TEK: variants seen among roughly 807,000 people sequenced by gnomAD.
TEK encodes the protein angiopoietin-1 receptor.
TEK carries 43 observed loss-of-function variants against 131.8 expected under a neutral mutation model. That is an observed-to-expected ratio of 0.33 (90% CI 0.26 to 0.42). The LOEUF (loss-of-function observed/expected upper bound fraction) is 0.42, where lower values mean the gene tolerates loss of function less well. Ranked by LOEUF, TEK falls within the 10% of genes least tolerant of loss-of-function variation. The pLI, the probability that TEK is intolerant of heterozygous loss-of-function variation, is 1.00. For synonymous variants in TEK, 580 were observed against 491.6 expected (o/e 1.18, Z -2.38); for missense variants, 1,162 against 1,384.4 (o/e 0.84, Z 2.55).
rs535362756 is a variant in TEK at position 27,124,979 on chromosome 9, T to A, written c.52+15337T>A. 2.6e-5 allele frequency among the ~76,000 whole-genome samples: 4 copies of A among 152,238 alleles called. No individual in the cohort carries two copies. In the East Asian group the frequency reaches 7.7e-4, roughly 29 times the overall value. ...CTTGAAGGAGTGACCTTCGGAACAG[T>A]CCCCAGTCGCTCATTTATAAGTCCC... On this transcript the variant is annotated intron_variant, in intron 1 of 22. Transcript: ENST00000380036.
Position 27,180,192 on chromosome 9 carries a change from C to T in TEK, c.902-48C>T, listed in dbSNP as rs757777004. ...ACTAAACACCTGCAGTCTTAGTTTC[C>T]TCTCTTCCCCTGGATTAATACTGGT... On this transcript the variant is annotated intron_variant, in intron 6 of 22. Coordinates refer to ENST00000380036, the MANE Select transcript of TEK (RefSeq NM_000459.5). 11 of 1,612,338 alleles carry T rather than the reference C, an allele frequency of 6.8e-6. No individual in the cohort carries two copies. The East Asian group carries it at 1.3e-4, about 20-fold the overall frequency.
In TEK at chr9:27,219,616, A is replaced by G. The variant is rs530958230; in HGVS notation, c.3104-433A>G. Among the ~76,000 whole-genome samples, 11 of 125,714 alleles carry G rather than the reference A, an allele frequency of 8.8e-5. No individual in the cohort carries two copies. The East Asian group carries it at 1.8e-3, about 21-fold the overall frequency. The allele number at this position is 125,714 out of a possible 152,430, so 82.5% of individuals were successfully genotyped here. On this transcript the variant is annotated intron_variant, in intron 20 of 22. Transcript: ENST00000380036. ...TGGCACATGTATCTCAGAACTTAAA[A>G]TTTAAAAAACTGTTCTACAATAAAC...
chr9:27,117,039 T>C (rs544166937), intron 1 of TEK, among the ~76,000 whole-genome samples: 1 of 151,814 alleles, frequency 6.6e-6, no homozygotes, highest in East Asian at 1.9e-4. Context: ...TTTTTTTTTT[T>C]AATTTTTAGT....
chr9:27,172,573 G>A (rs777489329), intron 4 of TEK, 43 bp from the exon 5 acceptor site: 59 of 1,611,052 alleles, frequency 3.7e-5, no homozygotes, highest in Middle Eastern at 3.3e-4. Context: ...TGTGTTGAGC[G>A]AATGCGCTCT....
intron 18 of TEK, among the ~76,000 whole-genome samples, chr9:27,216,974 A>G (rs565155095): frequency 2.6e-5 from 4 of 152,346 alleles, no homozygotes; most frequent in African/African-American, 9.6e-5. Flanking sequence ...AACTAGGAAT[A>G]AAACTTTAAA....
At position 27,229,399 on chromosome 9, in the gene TEK, A is replaced by G. The variant is rs1587066475; in HGVS notation, c.*167A>G. ...GATCCCATGCATGGATCTATGTAGT[A>G]TGCTCTGACTCTAATAGGACTGTAT... On this transcript the variant is annotated 3_prime_UTR_variant, in exon 23 of 23. Transcript: ENST00000380036. 2 of 712,880 alleles carry G rather than the reference A, an allele frequency of 2.8e-6. No individual in the cohort carries two copies. The highest frequency in any genetic ancestry group is 1.7e-5 in the African/African-American group (1 of 57,414). The allele number at this position is 712,880 out of a possible 1,614,324, so 44.2% of individuals were successfully genotyped here. A position where few individuals can be genotyped will look rare whatever the true frequency, so the allele number is the denominator to read the frequency against.
chr9:27,158,205 T>G, intron 2 of TEK, 63 bp downstream of exon 2: 4 of 1,595,480 alleles, frequency 2.5e-6, no homozygotes, highest in Non-Finnish European at 3.4e-6. Context: ...CCTTTTGTCT[T>G]GGCAGCTGCT....
intron 2 of TEK, among the ~76,000 whole-genome samples, chr9:27,164,520 T>C (rs1339779019): frequency 1.3e-5 from 2 of 151,982 alleles, no homozygotes; most frequent in Non-Finnish European, 1.5e-5. Context: ...GGAGTTTCAA[T>C]GTGTTAGCCA....
chr9:27,173,096 C>T, intron 5 of TEK, 126 bp from the exon 6 acceptor site: 1 of 1,290,496 alleles, frequency 7.7e-7, no homozygotes, highest in Non-Finnish European at 1.1e-6. Flanking sequence ...GTTCATCCTA[C>T]CATGCCACAG....
intron 11 of TEK, among the ~76,000 whole-genome samples, chr9:27,195,182 G>A (rs369856870): frequency 7.9e-5 from 12 of 152,074 alleles, no homozygotes; most frequent in African/African-American, 2.9e-4. Context: ...ACAGAGAAAG[G>A]GCCATCAGAC....
rs745710118 is a variant in TEK, at chr9:27,109,615, C to T, written c.25C>T (p.Leu9Phe). The change falls in exon 1 of 23, where the codon CTC (leucine) becomes TTC (phenylalanine). Residue 9 changes from leucine to phenylalanine, a missense_variant. Physicochemically the swap from Leu to Phe is conservative, Grantham distance 22. Around this residue, in one of 6 missense-constraint regions of TEK, gnomAD observed 436 missense variants for 539.1 expected, o/e 0.81. Coordinates refer to ENST00000380036, the MANE Select transcript of TEK (RefSeq NM_000459.5). ...CATGGACTCTTTAGCCAGCTTAGTT[C>T]TCTGTGGAGTCAGCTTGCTCCTTTC... is the stretch of plus-strand genomic sequence containing the variant. The part of the protein sequence containing the change: MDSLASLV[L>F]CGVSLLLSGT... 2.5e-6 allele frequency: 4 copies of T among 1,614,074 alleles called. No homozygotes were observed. In the Admixed American group the frequency reaches 6.7e-5, roughly 27 times the overall value.
chr9:27,163,809 C>T (rs2131131900), intron 2 of TEK, among the ~76,000 whole-genome samples: 1 of 152,294 alleles, frequency 6.6e-6, no homozygotes, highest in South Asian at 2.1e-4. Context: ...TACATTATTT[C>T]CTGTAGTACT....
intron 12 of TEK, 136 bp downstream of exon 12, chr9:27,197,735 C>T (rs922609402): frequency 2.4e-4 from 256 of 1,062,272 alleles, no homozygotes; most frequent in Non-Finnish European, 3.5e-4. Context: ...TTAGTGCCCC[C>T]CACCTAATCA....
At chr9:27,205,548 G>A (rs1051426168) in intron 14 of TEK, among the ~76,000 whole-genome samples, 1 of 152,054 alleles carries the variant, frequency 6.6e-6, no homozygotes, top group Non-Finnish European at 1.5e-5. Flanking sequence ...GTATGTGTAA[G>A]AATTGTATAT....
At position 27,173,223 on chromosome 9, in the gene TEK, T is replaced by C; in HGVS notation, c.762T>C (p.Ala254=). 1 of 1,614,012 alleles carries C rather than the reference T, an allele frequency of 6.2e-7. No homozygotes were observed. The highest frequency in any genetic ancestry group is 8.5e-7 in the Non-Finnish European group (1 of 1,179,912). Residue 254 remains alanine, a splice_region_variant and synonymous_variant, in exon 6 of 23, where the codon GCT becomes GCC. Coordinates refer to ENST00000380036, the MANE Select transcript of TEK (RefSeq NM_000459.5). ...PGFMGRTCEK[A]CELHTFGRTC... ...TCATCTTTTCTTTTCCTCCCAAAGC[T>C]TGTGAACTGCACACGTTTGGCAGAA...
intron 14 of TEK, 51 bp downstream of exon 14, chr9:27,205,116 A>G (rs1564096674): frequency 6.2e-7 from 1 of 1,609,420 alleles, no homozygotes; most frequent in East Asian, 2.2e-5. Context: ...AAGTACAGGC[A>G]GAACCTTCAC....
intron 1 of TEK, among the ~76,000 whole-genome samples, chr9:27,141,410 CAT>C (rs1287501950): frequency 5.3e-5 from 8 of 152,130 alleles, no homozygotes; most frequent in Admixed American, 3.3e-4. Flanking sequence ...TTTGAACACT[CAT>C]GTGTCAATGA....
chr9:27,115,519 A>G (rs75124753), intron 1 of TEK, among the ~76,000 whole-genome samples: 25,451 of 151,890 alleles, frequency 0.17, 2,301 homozygotes, highest in Non-Finnish European at 0.21. Flanking sequence ...ACAAACAAAC[A>G]AACGAAACTA....
intron 15 of TEK, among the ~76,000 whole-genome samples, chr9:27,207,273 T>C (rs969465309): frequency 3.3e-5 from 5 of 152,232 alleles, no homozygotes; most frequent in Non-Finnish European, 5.9e-5. Flanking sequence ...ACAGTCTTCA[T>C]AGGTTAACTG....
Sources: gnomAD v4.1 joint callset for allele counts (sites outside exome capture counted in the v4.1 genomes callset) on GRCh38, gnomAD v4.1.1 for gene constraint, gnomAD v4.1.1 regional missense constraint, MANE v1.5 for transcripts, NCBI Gene and HGNC (gene_info 2026-07-23, HGNC 2026-07-21) for gene names.